Variants in CEP63 observed in about 807,000 individuals in gnomAD.
CEP63 encodes centrosomal protein 63, also known as centrosomal protein of 63 kDa.
In CEP63, 84 loss-of-function variants were observed where a neutral mutation model predicts 89.1. That is an observed-to-expected ratio of 0.94 (90% CI 0.79 to 1.13). CEP63 has a LOEUF of 1.13. Among genes scored for constraint, CEP63 ranks in the 50% most tolerant of loss-of-function variants. The pLI is 0.00. For synonymous variants in CEP63, 267 were observed against 272.5 expected, an observed-to-expected ratio of 0.98 and a Z score of 0.20; for missense variants, 838 against 813.3, an observed-to-expected ratio of 1.03 and a Z score of -0.37.
chr3:134,497,735 G>A (rs1007157484), intron 2 of CEP63, among the ~76,000 whole-genome samples: 4 of 151,620 alleles, frequency 2.6e-5, no homozygotes, highest in Admixed American at 6.6e-5. Flanking sequence ...TCCATTTTGA[G>A]TTGATTTTTT....
In CEP63 at chr3:134,515,752, GGAA is replaced by G. The variant is rs376097727; in HGVS notation, c.222+8473_222+8475del. 8.8e-4 allele frequency among the ~76,000 whole-genome samples: 134 copies of G among 152,268 alleles called. 1 individual carries two copies. Among genetic ancestry groups the G allele is most frequent in the African/African-American group, 3.2e-3 (132 of 41,540 alleles). ...TCTTTTGGCTTCCCTGGGCCAGATT[GGAA>G]GAAGAATTGTTTTGGGCCACACATA... On this transcript the variant is annotated intron_variant, in intron 3 of 14. Coordinates refer to ENST00000675561, the MANE Select transcript of CEP63 (RefSeq NM_001353108.3).
intron 10 of CEP63, 149 bp from the exon 11 acceptor site, chr3:134,549,914 G>T: frequency 1.5e-6 from 1 of 679,592 alleles, no homozygotes; most frequent in East Asian, 2.7e-5. Flanking sequence ...ATGCAACTTG[G>T]TAAATTGCTA....
chr3:134,663,061 G>A, the CEP63 span, among the ~76,000 whole-genome samples: 2 of 152,332 alleles, frequency 1.3e-5, no homozygotes, highest in East Asian at 3.9e-4. Context: ...TGGAGGTAGA[G>A]CAGAACCCCA....
In CEP63 at chr3:134,534,425, ACT is replaced by A. The variant is rs368778898; in HGVS notation, c.441+1532_441+1533del. 1.9e-3 allele frequency among the ~76,000 whole-genome samples: 285 copies of A among 152,042 alleles called. 3 individuals carry two copies. The highest frequency in any genetic ancestry group is 6.5e-3 in the African/African-American group (271 of 41,452). ...CTACCAATCCCTATCTTTTCAGCTAACTCTCTCTAGTCCTTTGACTCTCAGTA... is the reference window on the plus strand; with the variant it reads ...CTACCAATCCCTATCTTTTCAGCTAACTCTCTAGTCCTTTGACTCTCAGTA... On this transcript the variant is annotated intron_variant, in intron 5 of 14. Coordinates refer to ENST00000675561, the MANE Select transcript of CEP63 (RefSeq NM_001353108.3).
In CEP63 at chr3:134,527,393, C is replaced by T. The variant is rs984286534; in HGVS notation, c.223-4452C>T. Reference sequence around the variant, plus strand: ...TTCTCTGTGCCTAGTTTCACTCCTGCGGCAGTGTTGGTGCAAGGAAGGGGC... The same window carrying T: ...TTCTCTGTGCCTAGTTTCACTCCTGTGGCAGTGTTGGTGCAAGGAAGGGGC... On this transcript the variant is annotated intron_variant, in intron 3 of 14. Transcript: ENST00000675561. Among the ~76,000 whole-genome samples the T allele has an allele frequency of 4.6e-5, 7 of 152,088 alleles. No homozygotes were observed. In the South Asian group the frequency reaches 8.3e-4, roughly 18 times the overall value.
intron 3 of CEP63, among the ~76,000 whole-genome samples, chr3:134,520,819 A>T (rs563644940): frequency 1.3e-5 from 2 of 152,290 alleles, no homozygotes; most frequent in African/African-American, 4.8e-5. Context: ...ACTGAGTAAC[A>T]ATATGGGGGA....
chr3:134,635,493 TAAAAA>T, the CEP63 span, among the ~76,000 whole-genome samples: 2 of 79,352 alleles, frequency 2.5e-5, no homozygotes, highest in Non-Finnish European at 4.5e-5. Flanking sequence ...CGAGACTCTG[TAAAAA>T]AAAAAAAAAA....
chr3:134,592,872 C>T, the CEP63 span, among the ~76,000 whole-genome samples: 7 of 152,018 alleles, frequency 4.6e-5, no homozygotes, highest in Non-Finnish European at 8.8e-5. Context: ...GGCTCCCTTC[C>T]GTGTCTGAGT....
chr3:134,764,894 T>C, the CEP63 span, among the ~76,000 whole-genome samples: 1 of 152,216 alleles, frequency 6.6e-6, no homozygotes, highest in Non-Finnish European at 1.5e-5. Context: ...CTAGCAGTTT[T>C]CACGTATCAT....
At chr3:134,716,742 C>A in the CEP63 span, among the ~76,000 whole-genome samples, 1 of 152,218 alleles carries the variant, frequency 6.6e-6, no homozygotes, top group Non-Finnish European at 1.5e-5. Context: ...CCCCCCAATC[C>A]AGCCTCCTCT....
chr3:134,501,833 C>T (rs1445153526), intron 2 of CEP63, among the ~76,000 whole-genome samples: 3 of 151,950 alleles, frequency 2.0e-5, no homozygotes. Flanking sequence ...TTTCTCTTGC[C>T]TGGTTGCTCT....
At chr3:134,631,642 A>G in the CEP63 span, among the ~76,000 whole-genome samples, 1 of 152,282 alleles carries the variant, frequency 6.6e-6, no homozygotes, top group East Asian at 1.9e-4. Flanking sequence ...TCTACTTGAA[A>G]TGTTAATATT....
chr3:134,711,195 T>C, the CEP63 span, among the ~76,000 whole-genome samples: 24 of 152,250 alleles, frequency 1.6e-4, no homozygotes, highest in Non-Finnish European at 3.1e-4. Flanking sequence ...AGATTACTGT[T>C]CTACAGTTAC....
At chr3:134,704,855 G>A in the CEP63 span, among the ~76,000 whole-genome samples, 1 of 152,230 alleles carries the variant, frequency 6.6e-6, no homozygotes, top group African/African-American at 2.4e-5. Flanking sequence ...AAGAGGTGGG[G>A]CGTGGCAGGG....
At chr3:134,723,018 G>A in the CEP63 span, among the ~76,000 whole-genome samples, 19 of 152,120 alleles carry the variant, frequency 1.2e-4, no homozygotes, top group Non-Finnish European at 2.6e-4. Context: ...AAGTCCACTC[G>A]GCTGTCCACA....
the CEP63 span, among the ~76,000 whole-genome samples, chr3:134,721,027 G>A: frequency 1.3e-5 from 2 of 152,060 alleles, no homozygotes; most frequent in Non-Finnish European, 2.9e-5. Context: ...ATTTTGATAG[G>A]TATTGCATTG....
At chr3:134,572,178 A>T (rs1433907572) in intron 11 of CEP63, among the ~76,000 whole-genome samples, 2 of 152,230 alleles carry the variant, frequency 1.3e-5, no homozygotes, top group Admixed American at 6.5e-5. Flanking sequence ...CCCTGCGAAC[A>T]TTCACTTGTT....
At chr3:134,608,057 C>T in the CEP63 span, 4 of 1,073,714 alleles carry the variant, frequency 3.7e-6, no homozygotes, top group Non-Finnish European at 4.5e-6. Flanking sequence ...TGCCCCAACT[C>T]TCTGTCTTGG....
At chr3:134,504,829 G>T (rs933070018) in intron 2 of CEP63, among the ~76,000 whole-genome samples, 1 of 151,810 alleles carries the variant, frequency 6.6e-6, no homozygotes, top group Non-Finnish European at 1.5e-5. Flanking sequence ...TTTTGTTGTT[G>T]TCTCATGGGG....
Sources: gnomAD v4.1 joint callset for allele counts (sites outside exome capture counted in the v4.1 genomes callset) on GRCh38, gnomAD v4.1.1 for gene constraint, MANE v1.5 for transcripts, NCBI Gene and HGNC (gene_info 2026-07-23, HGNC 2026-07-21) for gene names.